CCDC178: variants seen among roughly 807,000 people sequenced by gnomAD.
CCDC178 encodes coiled-coil domain containing 178, also known as coiled-coil domain-containing protein 178.
CCDC178 carries 126 observed loss-of-function variants against 117.4 expected under a neutral mutation model. The ratio of observed to expected loss-of-function variants is 1.07; its 90% CI spans 0.93 to 1.24. The LOEUF (loss-of-function observed/expected upper bound fraction) is 1.24. CCDC178 is among the 50% of genes most tolerant of loss of function. The pLI is 0.00. For missense variants in CCDC178, 1,030 were observed against 986.9 expected (o/e 1.04, Z -0.59); for synonymous variants, 283 against 313.4 (o/e 0.90, Z 1.02).
intron 20 of CCDC178, among the ~76,000 whole-genome samples, chr18:33,120,141 A>G (rs2144207959): frequency 6.6e-6 from 1 of 152,180 alleles, no homozygotes; most frequent in East Asian, 1.9e-4. Context: ...ATATGTAACA[A>G]ACCTGCACGT....
intron 19 of CCDC178, among the ~76,000 whole-genome samples, chr18:33,213,762 T>G (rs2059133761): frequency 6.6e-6 from 1 of 151,996 alleles, no homozygotes; most frequent in Admixed American, 6.6e-5. Context: ...TTTTCCACTT[T>G]CTAGTTAAGA....
intron 20 of CCDC178, among the ~76,000 whole-genome samples, chr18:33,181,215 T>C (rs457802): frequency 0.16 from 24,479 of 151,910 alleles, 2,757 homozygotes; most frequent in African/African-American, 0.32. Flanking sequence ...AAGTTTGCTA[T>C]GGCCAGCAGT....
At position 33,133,720 on chromosome 18, in the gene CCDC178, T is replaced by A. The variant is rs568418359; in HGVS notation, c.2239-40810A>T. Among the ~76,000 whole-genome samples the A allele has an allele frequency of 2.5e-4, 38 of 152,096 alleles. No individual in the cohort carries two copies. The East Asian group carries it at 7.3e-3, about 29-fold the overall frequency. On this transcript the variant is annotated intron_variant, in intron 20 of 22. Transcript: ENST00000383096. Reference sequence around the variant, plus strand: ...GCCACATTTCACAGGATCATTTTGCTTAGTGTATTTAAATATATGCCTATT... The same window carrying A: ...GCCACATTTCACAGGATCATTTTGCATAGTGTATTTAAATATATGCCTATT...
intron 20 of CCDC178, among the ~76,000 whole-genome samples, chr18:33,179,003 G>T (rs2058695629): frequency 7.6e-6 from 1 of 131,840 alleles, no homozygotes; most frequent in African/African-American, 2.9e-5. Context: ...GCATGTGTTA[G>T]TCCTTCCAGA....
chr18:33,225,561 C>G (rs949434583), intron 16 of CCDC178, among the ~76,000 whole-genome samples: 6 of 152,106 alleles, frequency 3.9e-5, no homozygotes, highest in African/African-American at 1.2e-4. Flanking sequence ...TATTTCCCAG[C>G]CCAAAATGTC....
chr18:33,320,458 C>CA (rs2062490877), intron 11 of CCDC178, among the ~76,000 whole-genome samples: 1 of 152,058 alleles, frequency 6.6e-6, no homozygotes, highest in African/African-American at 2.4e-5. Context: ...AACAGACAAA[C>CA]AGAGAGCCAA....
At chr18:33,116,238 G>C (rs1385746614) in intron 20 of CCDC178, among the ~76,000 whole-genome samples, 1 of 152,088 alleles carries the variant, frequency 6.6e-6, no homozygotes, top group African/African-American at 2.4e-5. Flanking sequence ...CATAACTGTG[G>C]TGGCCAAATC....
chr18:33,171,274 C>G (rs1294900563), intron 20 of CCDC178, among the ~76,000 whole-genome samples: 2 of 152,174 alleles, frequency 1.3e-5, no homozygotes, highest in Non-Finnish European at 2.9e-5. Flanking sequence ...TTCAGTGCCC[C>G]TGAGATCAAA....
intron 20 of CCDC178, among the ~76,000 whole-genome samples, chr18:33,194,898 TA>T (rs1258842849): frequency 1.8e-5 from 1 of 54,958 alleles, no homozygotes; most frequent in African/African-American, 1.1e-4. Flanking sequence ...ACTCTGTTTC[TA>T]CAAAAAAAAA....
chr18:33,435,716 T>TAATATTTATTATTATAATACAATAAA (rs2064280457), intron 2 of CCDC178, among the ~76,000 whole-genome samples: 1 of 150,630 alleles, frequency 6.6e-6, no homozygotes, highest in Non-Finnish European at 1.5e-5. Flanking sequence ...AATACAATAA[T>TAATATTTATTATTATAATACAATAAA]AATTAAGCTA....
At chr18:32,988,104 A>AATC (rs1254228785) in intron 21 of CCDC178, among the ~76,000 whole-genome samples, 21 of 144,230 alleles carry the variant, frequency 1.5e-4, no homozygotes, top group African/African-American at 5.3e-4. Flanking sequence ...TAATAATAAT[A>AATC]ATAATAATAA....
intron 12 of CCDC178, among the ~76,000 whole-genome samples, chr18:33,283,085 T>A (rs1242672973): frequency 6.6e-6 from 1 of 152,066 alleles, no homozygotes; most frequent in Non-Finnish European, 1.5e-5. Flanking sequence ...CACCCCTGCA[T>A]CCACTAGCAC....
chr18:33,281,564 G>T lies in CCDC178; in HGVS notation c.1176+11595C>A, dbSNP rs143065924. ...AAATTGTGAACCAGTTGCCATACAA[G>T]ATCCAATAGACAATGTGACAAGTCT... On this transcript the variant is annotated intron_variant, in intron 12 of 22. Coordinates refer to ENST00000383096, the MANE Select transcript of CCDC178 (RefSeq NM_001105528.4). 7.4e-4 allele frequency among the ~76,000 whole-genome samples: 112 copies of T among 152,084 alleles called. No individual in the cohort carries two copies. The East Asian group carries it at 0.019, about 26-fold the overall frequency.
chr18:33,158,218 G>C (rs2058423595), intron 20 of CCDC178, among the ~76,000 whole-genome samples: 1 of 152,146 alleles, frequency 6.6e-6, no homozygotes, highest in Admixed American at 6.5e-5. Context: ...GGGGATGACT[G>C]TTTCTTCAAG....
intron 22 of CCDC178, among the ~76,000 whole-genome samples, chr18:32,939,480 T>C (rs996713159): frequency 5.3e-5 from 8 of 152,152 alleles, no homozygotes; most frequent in African/African-American, 9.7e-5. Context: ...GTGGTATAAA[T>C]CTTTAATTCA....
At chr18:33,267,632 T>C (rs1237761467) in intron 12 of CCDC178, among the ~76,000 whole-genome samples, 1 of 151,566 alleles carries the variant, frequency 6.6e-6, no homozygotes, top group Non-Finnish European at 1.5e-5. Flanking sequence ...TGTATCCTCA[T>C]TAGACTCAAG....
At chr18:33,179,086 T>A (rs1241170298) in intron 20 of CCDC178, among the ~76,000 whole-genome samples, 1,106 of 86,814 alleles carry the variant, frequency 0.013, 94 homozygotes, top group African/African-American at 0.031. Flanking sequence ...AAAATATATA[T>A]ATATATATAT....
intron 21 of CCDC178, among the ~76,000 whole-genome samples, chr18:33,005,248 T>C (rs567353058): frequency 6.6e-6 from 1 of 152,158 alleles, no homozygotes; most frequent in South Asian, 2.1e-4. Flanking sequence ...ATAAAGAAAA[T>C]GTAGTACATA....
intron 20 of CCDC178, among the ~76,000 whole-genome samples, 185 bp downstream of exon 20, chr18:33,211,711 C>G (rs1221781815): frequency 2.0e-5 from 3 of 151,796 alleles, no homozygotes; most frequent in Non-Finnish European, 4.4e-5. Flanking sequence ...GTACAATATG[C>G]TCTATGAATA....
Sources: gnomAD v4.1 joint callset for allele counts (sites outside exome capture counted in the v4.1 genomes callset) on GRCh38, gnomAD v4.1.1 for gene constraint, MANE v1.5 for transcripts, NCBI Gene and HGNC (gene_info 2026-07-23, HGNC 2026-07-21) for gene names.